TENM1: variants seen among roughly 807,000 people sequenced by gnomAD.
The protein encoded by TENM1 is teneurin transmembrane protein 1, also known as teneurin-1.
TENM1 carries 35 observed loss-of-function variants against 174.8 expected under a neutral mutation model. The ratio of observed to expected loss-of-function variants is 0.20; its 90% CI spans 0.15 to 0.27. The LOEUF is 0.27. Ranked by LOEUF, TENM1 falls within the 10% of genes least tolerant of loss-of-function variation. The probability of loss-of-function intolerance (pLI) is 1.00; values close to 1 mark genes in which losing one functional copy is unlikely to be tolerated. For missense variants in TENM1, 1,633 were observed against 2,130.1 expected (o/e 0.77, Z 4.59); for synonymous variants, 781 against 798.7 (o/e 0.98, Z 0.37).
At chrX:124,874,271 T>C (rs1016792045) in intron 3 of TENM1, among the ~76,000 whole-genome samples, 3 of 111,643 alleles carry the variant, frequency 2.7e-5, no homozygotes, top group Non-Finnish European at 3.8e-5. Context: ...AAAATGTATG[T>C]TATAAAATTT....
the TENM1 span, among the ~76,000 whole-genome samples, chrX:125,050,506 G>T: frequency 4.1e-4 from 46 of 111,327 alleles, no homozygotes; most frequent in Non-Finnish European, 1.3e-4. Context: ...CTGTTTTATG[G>T]CTGCATAGCA....
intron 5 of TENM1, among the ~76,000 whole-genome samples, chrX:124,691,233 CCT>C (rs1417695886): frequency 3.6e-5 from 4 of 111,070 alleles, no homozygotes; most frequent in African/African-American, 1.3e-4. Flanking sequence ...AATATATTCC[CCT>C]GAGGGTATAC....
At chrX:125,075,201 A>G in the TENM1 span, among the ~76,000 whole-genome samples, 1 of 111,505 alleles carries the variant, frequency 9.0e-6, no homozygotes, top group African/African-American at 3.3e-5. Flanking sequence ...TTGTATTTTC[A>G]TAATATTTGA....
the TENM1 span, among the ~76,000 whole-genome samples, chrX:125,021,379 A>G: frequency 9.0e-6 from 1 of 111,281 alleles, no homozygotes; most frequent in Non-Finnish European, 1.9e-5. Flanking sequence ...AATGTGGACA[A>G]TTATGGTAGG....
intron 17 of TENM1, among the ~76,000 whole-genome samples, chrX:124,521,963 T>C (rs2047858906): frequency 9.0e-6 from 1 of 111,686 alleles, no homozygotes; most frequent in African/African-American, 3.3e-5. Flanking sequence ...GTGACAGAAG[T>C]ACAATAGAGA....
chrX:124,547,444 G>A (rs1347158612), intron 14 of TENM1, among the ~76,000 whole-genome samples: 3 of 111,772 alleles, frequency 2.7e-5, no homozygotes, highest in East Asian at 2.8e-4. Context: ...CATTCTTTCC[G>A]AATGCGATGA....
At chrX:124,893,391 T>C (rs978700972) in intron 3 of TENM1, among the ~76,000 whole-genome samples, 2 of 112,671 alleles carry the variant, frequency 1.8e-5, no homozygotes, top group Non-Finnish European at 3.8e-5. Flanking sequence ...ATGGAAATAA[T>C]AGAATTTGTT....
chrX:124,826,913 C>T (rs1351197163), intron 3 of TENM1, among the ~76,000 whole-genome samples: 1 of 111,547 alleles, frequency 9.0e-6, no homozygotes, highest in Non-Finnish European at 1.9e-5. Context: ...GTTGTTTCTT[C>T]CATTACTGGT....
intron 1 of TENM1, among the ~76,000 whole-genome samples, chrX:124,948,100 A>G (rs2058429445): frequency 8.9e-6 from 1 of 112,528 alleles, no homozygotes; most frequent in Admixed American, 9.4e-5. Flanking sequence ...GAACTTCACA[A>G]TAAAATGATC....
At chrX:125,170,411 T>C in the TENM1 span, among the ~76,000 whole-genome samples, 15 of 111,737 alleles carry the variant, frequency 1.3e-4, 1 homozygote, top group South Asian at 5.1e-3. Flanking sequence ...GTAGTCTCAG[T>C]TGTCTATATT....
At chrX:125,077,506 C>T in the TENM1 span, among the ~76,000 whole-genome samples, 1 of 111,187 alleles carries the variant, frequency 9.0e-6, no homozygotes, top group Admixed American at 9.6e-5. Flanking sequence ...GGAACTGTAA[C>T]CAAAAAAGAC....
At chrX:124,662,564 C>T (rs2051638817) in intron 6 of TENM1, among the ~76,000 whole-genome samples, 1 of 109,734 alleles carries the variant, frequency 9.1e-6, no homozygotes, top group Non-Finnish European at 1.9e-5. Flanking sequence ...TTATCTCCTT[C>T]CTTTCCTTGC....
At chrX:124,858,770 GAAGCA>G (rs1255840342) in intron 3 of TENM1, among the ~76,000 whole-genome samples, 1 of 110,833 alleles carries the variant, frequency 9.0e-6, no homozygotes, top group Admixed American at 9.6e-5. Flanking sequence ...TACGATATCT[GAAGCA>G]AAGCAAATTC....
At chrX:124,804,615 CG>C (rs1569450353) in intron 3 of TENM1, among the ~76,000 whole-genome samples, 10 of 111,688 alleles carry the variant, frequency 9.0e-5, no homozygotes, top group Non-Finnish European at 1.7e-4. Flanking sequence ...TAACAAAGAA[CG>C]AAAATTCTTC....
chrX:124,678,447 T>A (rs1270073839), intron 5 of TENM1, among the ~76,000 whole-genome samples: 1 of 111,563 alleles, frequency 9.0e-6, no homozygotes, highest in Admixed American at 9.6e-5. Context: ...GACATTTTCA[T>A]AGTATTGTTA....
At chrX:125,083,794 GGTT>G in the TENM1 span, among the ~76,000 whole-genome samples, 1 of 110,918 alleles carries the variant, frequency 9.0e-6, no homozygotes, top group African/African-American at 3.3e-5. Context: ...CCCAATTTAG[GGTT>G]CAGAAAATAG....
the TENM1 span, among the ~76,000 whole-genome samples, chrX:125,125,398 T>C: frequency 4.5e-5 from 5 of 112,141 alleles, no homozygotes; most frequent in Non-Finnish European, 9.4e-5. Context: ...GTCCTATGAT[T>C]AACTAAACTT....
the TENM1 span, among the ~76,000 whole-genome samples, chrX:125,172,061 G>A: frequency 9.0e-6 from 1 of 111,586 alleles, no homozygotes; most frequent in Non-Finnish European, 1.9e-5. Flanking sequence ...CACTTAGAGA[G>A]CTAGATAAAG....
chrX:125,067,655 G>C, the TENM1 span, among the ~76,000 whole-genome samples: 2 of 111,688 alleles, frequency 1.8e-5, no homozygotes, highest in Non-Finnish European at 3.8e-5. Flanking sequence ...CTTCTATCAC[G>C]TCTGAACTAG....
Sources: allele counts gnomAD v4.1 joint callset (sites outside exome capture counted in the v4.1 genomes callset), GRCh38; gene constraint gnomAD v4.1.1; transcripts MANE v1.5; gene names NCBI Gene and HGNC (gene_info 2026-07-23, HGNC 2026-07-21).